CGRRF1: variants seen among roughly 807,000 people sequenced by gnomAD.
CGRRF1 encodes the protein cell growth regulator with ring finger domain 1.
A neutral mutation model predicts 37.2 loss-of-function variants in CGRRF1; 32 were observed. The ratio of observed to expected loss-of-function variants is 0.86; its 90% CI spans 0.65 to 1.16. The LOEUF (loss-of-function observed/expected upper bound fraction) is 1.16. CGRRF1 is among the 50% of genes most tolerant of loss of function. CGRRF1 has a pLI of 0.00. For synonymous variants in CGRRF1, 141 were observed against 140.3 expected, an observed-to-expected ratio of 1.00 and a Z score of -0.04; for missense variants, 391 against 382.6, an observed-to-expected ratio of 1.02 and a Z score of -0.18.
At chr14:54,535,849 G>T (rs2032593209) in intron 4 of CGRRF1, among the ~76,000 whole-genome samples, 1 of 152,016 alleles carries the variant, frequency 6.6e-6, no homozygotes, top group Admixed American at 6.6e-5. Flanking sequence ...CTTATCTGTT[G>T]TCTCTATGGC....
intron 1 of CGRRF1, among the ~76,000 whole-genome samples, chr14:54,512,101 A>G (rs2032139115): frequency 6.6e-6 from 1 of 152,224 alleles, no homozygotes; most frequent in Admixed American, 6.5e-5. Flanking sequence ...AGGGTAAACT[A>G]GTTAATACGC....
chr14:54,535,359 T>TCACACACACACACACACACACACACA (rs143950400), intron 4 of CGRRF1, among the ~76,000 whole-genome samples: 4 of 140,590 alleles, frequency 2.8e-5, no homozygotes, highest in South Asian at 4.7e-4. Flanking sequence ...AAGGGTATAG[T>TCACACACACACACACACACACACACA]CACACACACA....
chr14:54,513,708 A>G (rs980117414), intron 1 of CGRRF1, among the ~76,000 whole-genome samples: 1 of 152,000 alleles, frequency 6.6e-6, no homozygotes, highest in Non-Finnish European at 1.5e-5. Context: ...CTCACTGCCT[A>G]TAATTCCAGC....
intron 1 of CGRRF1, among the ~76,000 whole-genome samples, chr14:54,520,117 TA>T (rs1335607921): frequency 1.3e-5 from 2 of 152,178 alleles, no homozygotes; most frequent in African/African-American, 4.8e-5. Flanking sequence ...TTTATTTATT[TA>T]TTTTTTTTGA....
chr14:54,537,572 TCTAATTTATCAGC>T, intron 4 of CGRRF1, 137 bp from the exon 5 acceptor site: 2 of 780,674 alleles, frequency 2.6e-6, no homozygotes, highest in South Asian at 9.0e-5. Flanking sequence ...ACGTAAATTT[TCTAATTTATCAGC>T]CTTTTATTTT....
intron 4 of CGRRF1, chr14:54,536,756 T>C (rs1274833173): frequency 6.6e-6 from 1 of 152,222 alleles, no homozygotes; most frequent in Non-Finnish European, 1.5e-5. Context: ...TATTAACCTT[T>C]AATTTGTGAC....
intron 1 of CGRRF1, among the ~76,000 whole-genome samples, chr14:54,510,594 C>G (rs1332161288): frequency 6.6e-6 from 1 of 152,174 alleles, no homozygotes; most frequent in Non-Finnish European, 1.5e-5. Flanking sequence ...TGTATACATT[C>G]CACACCTTTT....
chr14:54,519,531 A>T (rs1335870807), intron 1 of CGRRF1, among the ~76,000 whole-genome samples: 1 of 151,220 alleles, frequency 6.6e-6, no homozygotes, highest in Admixed American at 6.6e-5. Context: ...GATTATGGGC[A>T]GGAGCCAGTG....
intron 2 of CGRRF1, among the ~76,000 whole-genome samples, chr14:54,525,337 C>A (rs1292818501): frequency 6.6e-6 from 1 of 152,174 alleles, no homozygotes; most frequent in Non-Finnish European, 1.5e-5. Flanking sequence ...GAAATAGTCA[C>A]AAATAGAACC....
intron 3 of CGRRF1, 51 bp downstream of exon 3, chr14:54,530,277 G>T (rs1048209875): frequency 6.9e-7 from 1 of 1,451,932 alleles, no homozygotes; most frequent in Non-Finnish European, 9.5e-7. Context: ...GACTTCTTAT[G>T]GATAAAGTGT....
intron 4 of CGRRF1, chr14:54,536,966 C>T (rs2032610368): frequency 1.3e-5 from 2 of 152,012 alleles, no homozygotes; most frequent in East Asian, 1.9e-4. Flanking sequence ...TTATTTTTTA[C>T]ATTTAGATCT....
chr14:54,524,147 C>T (rs1053781975), intron 2 of CGRRF1, among the ~76,000 whole-genome samples: 4 of 152,130 alleles, frequency 2.6e-5, no homozygotes, highest in African/African-American at 9.7e-5. Flanking sequence ...TTTTGACCCC[C>T]AGCAGTCATC....
intron 1 of CGRRF1, among the ~76,000 whole-genome samples, chr14:54,518,490 C>T (rs971112828): frequency 1.3e-5 from 2 of 149,962 alleles, no homozygotes; most frequent in Non-Finnish European, 3.0e-5. Context: ...GTGGAGGTTG[C>T]GGTGAGCTGA....
At chr14:54,520,422 C>CG (rs2032296618) in intron 1 of CGRRF1, among the ~76,000 whole-genome samples, 1 of 152,088 alleles carries the variant, frequency 6.6e-6, no homozygotes, top group African/African-American at 2.4e-5. Context: ...TGTGAGCCAC[C>CG]GCACCCGGCC....
In CGRRF1 at chr14:54,517,516, C is replaced by T. The variant is rs148569612; in HGVS notation, c.105-4938C>T. Among the ~76,000 whole-genome samples the T allele has an allele frequency of 8.2e-3, 1,255 of 152,192 alleles. 26 individuals carry two copies. Among genetic ancestry groups the T allele is most frequent in the African/African-American group, 0.029 (1,212 of 41,510 alleles). On this transcript the variant is annotated intron_variant, in intron 1 of 5. Coordinates refer to ENST00000216420, the MANE Select transcript of CGRRF1 (RefSeq NM_006568.3). ...TCAACCTAAATTTTAGTGGAAGATT[C>T]GTTTTGTTTTGTTACTTTTCTCCCT...
rs574254914 is a variant in CGRRF1 at position 54,528,754 on chromosome 14, A to G, written c.245-1295A>G. Among the ~76,000 whole-genome samples the G allele has an allele frequency of 5.3e-5, 8 of 152,326 alleles. No homozygotes were observed. The East Asian group carries it at 1.5e-3, about 29-fold the overall frequency. On this transcript the variant is annotated intron_variant, in intron 2 of 5. Coordinates refer to ENST00000216420, the MANE Select transcript of CGRRF1 (RefSeq NM_006568.3). ...ATACCTGATGATTGGAATCATAAAA[A>G]TTTGAAATCAAAGCCTGCTCCAATT...
intron 1 of CGRRF1, among the ~76,000 whole-genome samples, chr14:54,516,494 C>A (rs2032219205): frequency 6.6e-6 from 1 of 152,106 alleles, no homozygotes; most frequent in Admixed American, 6.5e-5. Context: ...TATTAAAAAG[C>A]TACTGACATT....
chr14:54,532,243 C>A (rs2032528174), intron 4 of CGRRF1, among the ~76,000 whole-genome samples: 1 of 152,140 alleles, frequency 6.6e-6, no homozygotes, highest in Admixed American at 6.6e-5. Context: ...CCTTCTTACT[C>A]ATTTGCAGTT....
intron 4 of CGRRF1, among the ~76,000 whole-genome samples, chr14:54,534,129 T>A (rs2032564061): frequency 6.6e-6 from 1 of 152,204 alleles, no homozygotes; most frequent in Non-Finnish European, 1.5e-5. Flanking sequence ...AAATTGGTTT[T>A]TTTTTTGTTT....
Sources: gnomAD v4.1 joint callset for allele counts (sites outside exome capture counted in the v4.1 genomes callset) on GRCh38, gnomAD v4.1.1 for gene constraint, MANE v1.5 for transcripts, NCBI Gene and HGNC (gene_info 2026-07-23, HGNC 2026-07-21) for gene names.